The following SRRM4 variants were observed in gnomAD, a reference collection of about 807,000 sequenced individuals.
The protein encoded by SRRM4 is serine/arginine repetitive matrix protein 4.
SRRM4 carries 33 observed loss-of-function variants against 68.9 expected under a neutral mutation model. The observed-to-expected ratio is 0.48, with a 90% CI of 0.36 to 0.64. SRRM4 has a LOEUF of 0.64. Among genes scored for constraint, SRRM4 ranks in the 30% least tolerant of loss-of-function variants. The probability of loss-of-function intolerance (pLI) is 0.00; values close to 1 mark genes in which losing one functional copy is unlikely to be tolerated. For synonymous variants in SRRM4, 318 were observed against 318.8 expected, an observed-to-expected ratio of 1.00 and a Z score of 0.03; for missense variants, 817 against 827.1, an observed-to-expected ratio of 0.99 and a Z score of 0.15.
chr12:119,086,388 C>T (rs4767772), intron 1 of SRRM4, among the ~76,000 whole-genome samples: 5,708 of 152,250 alleles, frequency 0.037, 194 homozygotes, highest in East Asian at 0.12. Context: ...GCCACAGGTC[C>T]CACCACCAGG....
At chr12:119,081,680 GA>G (rs1953948695) in intron 1 of SRRM4, among the ~76,000 whole-genome samples, 1 of 152,262 alleles carries the variant, frequency 6.6e-6, no homozygotes, top group African/African-American at 2.4e-5. Flanking sequence ...AGGAAGGCAA[GA>G]AGCAGGGAGA....
At chr12:119,110,374 T>A (rs1213022013) in intron 2 of SRRM4, among the ~76,000 whole-genome samples, 1 of 152,206 alleles carries the variant, frequency 6.6e-6, no homozygotes, top group Non-Finnish European at 1.5e-5. Flanking sequence ...GACATTTAAG[T>A]CTGCAGAAGT....
intron 1 of SRRM4, among the ~76,000 whole-genome samples, chr12:119,027,744 A>G (rs951469674): frequency 1.3e-5 from 2 of 152,234 alleles, no homozygotes; most frequent in African/African-American, 4.8e-5. Flanking sequence ...CAGAGTATTT[A>G]TTATTATGAT....
chr12:119,161,131 C>G lies in SRRM4; in HGVS notation c.*4333C>G, dbSNP rs1954510641. On this transcript the variant is annotated 3_prime_UTR_variant, in exon 13 of 13. Coordinates refer to ENST00000267260, the MANE Select transcript of SRRM4 (RefSeq NM_194286.4). ...AAAGAAAGCACATTGTTTTCCTTCT[C>G]CAGTCCAACTTTCATCTTTTCTTCT... is the stretch of plus-strand genomic sequence containing the variant. 1.3e-5 allele frequency: 2 copies of G among 152,200 alleles called. No individual in the cohort carries two copies. Among genetic ancestry groups the G allele is most frequent in the South Asian group, 4.1e-4 (2 of 4,832 alleles). 9.4% of individuals were successfully genotyped at this position (152,200 alleles called of 1,614,324 possible).
At chr12:119,011,284 A>G (rs1953447409) in intron 1 of SRRM4, among the ~76,000 whole-genome samples, 1 of 152,230 alleles carries the variant, frequency 6.6e-6, no homozygotes, top group Non-Finnish European at 1.5e-5. Flanking sequence ...TTCTATAGTC[A>G]GGTTTTTCAA....
intron 1 of SRRM4, among the ~76,000 whole-genome samples, chr12:119,088,318 C>T (rs867594875): frequency 1.5e-4 from 23 of 152,186 alleles, no homozygotes; most frequent in Admixed American, 3.9e-4. Context: ...CTTCAGGTTC[C>T]GCAAAGGATT....
intron 1 of SRRM4, among the ~76,000 whole-genome samples, chr12:119,096,390 T>G (rs916660997): frequency 6.6e-6 from 1 of 152,098 alleles, no homozygotes; most frequent in African/African-American, 2.4e-5. Flanking sequence ...CCAGTTAATA[T>G]CTCAGGGTCT....
At chr12:119,067,578 C>T (rs1830090) in intron 1 of SRRM4, among the ~76,000 whole-genome samples, 48,013 of 151,816 alleles carry the variant, frequency 0.32, 7,770 homozygotes, top group African/African-American at 0.34. Context: ...TACAGTGGCG[C>T]GTGCCTGTAA....
chr12:119,022,268 G>T (rs1053987574), intron 1 of SRRM4, among the ~76,000 whole-genome samples: 1 of 152,102 alleles, frequency 6.6e-6, no homozygotes, highest in Admixed American at 6.6e-5. Context: ...ACTTGACTCC[G>T]ATGATTTCAC....
intron 1 of SRRM4, among the ~76,000 whole-genome samples, chr12:119,022,236 T>C (rs1953520783): frequency 6.6e-6 from 1 of 152,214 alleles, no homozygotes; most frequent in African/African-American, 2.4e-5. Context: ...GCTTATTTTC[T>C]TTCTCTGATA....
chr12:119,103,026 C>T (rs956879674), intron 2 of SRRM4, among the ~76,000 whole-genome samples: 3 of 152,130 alleles, frequency 2.0e-5, no homozygotes, highest in Non-Finnish European at 4.4e-5. Context: ...GAACTCCAGT[C>T]TCTCTGATCT....
At chr12:119,151,358 G>T (rs932247136) in intron 10 of SRRM4, 138 bp downstream of exon 10, 9 of 760,838 alleles carry the variant, frequency 1.2e-5, no homozygotes, top group Non-Finnish European at 1.9e-5. Flanking sequence ...TTTCGAGCTG[G>T]TGGCCTTGGG....
rs148361192 is a variant in SRRM4 at position 119,110,192 on chromosome 12, G to A, written c.279-4086G>A. ...GCCTGATCCTTCCTCTGGAATCTTC[G>A]TCTCAGAGGGGCACCTGGCCATATG... On this transcript the variant is annotated intron_variant, in intron 2 of 12. Transcript: ENST00000267260. Among the ~76,000 whole-genome samples the A allele has an allele frequency of 2.2e-3, 333 of 152,262 alleles. 2 individuals carry two copies. Among genetic ancestry groups the A allele is most frequent in the African/African-American group, 7.6e-3 (316 of 41,552 alleles).
chr12:119,008,363 C>CAA (rs201771244), intron 1 of SRRM4, among the ~76,000 whole-genome samples: 1,768 of 129,036 alleles, frequency 0.014, 65 homozygotes, highest in African/African-American at 0.045. Flanking sequence ...GATCCTGTCT[C>CAA]AAAAAAAAAA....
intron 1 of SRRM4, among the ~76,000 whole-genome samples, chr12:119,079,068 G>T (rs1953932827): frequency 6.6e-6 from 1 of 152,218 alleles, no homozygotes; most frequent in Non-Finnish European, 1.5e-5. Flanking sequence ...CAGGTGAGGG[G>T]GTGGTCCAGG....
intron 1 of SRRM4, among the ~76,000 whole-genome samples, chr12:118,995,231 T>G (rs1418319828): frequency 6.6e-6 from 1 of 152,206 alleles, no homozygotes; most frequent in African/African-American, 2.4e-5. Context: ...CAATTTCCAT[T>G]CTGTAGATGA....
chr12:119,108,644 TTG>T (rs1024324594), intron 2 of SRRM4, among the ~76,000 whole-genome samples: 7 of 133,874 alleles, frequency 5.2e-5, no homozygotes, highest in Admixed American at 1.6e-4. Flanking sequence ...CAACCCCTGT[TTG>T]TTTTTTTTTT....
chr12:119,007,513 T>G (rs140083110), intron 1 of SRRM4, among the ~76,000 whole-genome samples: 206 of 152,346 alleles, frequency 1.4e-3, no homozygotes, highest in African/African-American at 4.6e-3. Context: ...TACAGTCTGA[T>G]TACCTTGCCA....
At chr12:119,130,950 C>A in intron 8 of SRRM4, 116 bp downstream of exon 8, 3 of 1,093,670 alleles carry the variant, frequency 2.7e-6, no homozygotes, top group Non-Finnish European at 3.8e-6. Flanking sequence ...ACAAAATATC[C>A]CACTGGCTCC....
Sources: gnomAD v4.1 joint callset for allele counts (sites outside exome capture counted in the v4.1 genomes callset) on GRCh38, gnomAD v4.1.1 for gene constraint, MANE v1.5 for transcripts, NCBI Gene and HGNC (gene_info 2026-07-23, HGNC 2026-07-21) for gene names.